Variants in GLIS3 observed in about 807,000 individuals in gnomAD.
GLIS3 encodes zinc finger protein GLIS3.
In GLIS3, 53 loss-of-function variants were observed where a neutral mutation model predicts 78.6. That is an observed-to-expected ratio of 0.67 (90% CI 0.54 to 0.85). GLIS3 has a LOEUF of 0.85. Among genes scored for constraint, GLIS3 ranks in the 40% least tolerant of loss-of-function variants. GLIS3 has a pLI of 0.00. For synonymous variants in GLIS3, 684 were observed against 509.9 expected, an observed-to-expected ratio of 1.34 and a Z score of -4.60; for missense variants, 1,703 against 1,231.1, an observed-to-expected ratio of 1.38 and a Z score of -5.74.
At chr9:4,244,522 A>C (rs188491897) in intron 2 of GLIS3, among the ~76,000 whole-genome samples, 1 of 152,350 alleles carries the variant, frequency 6.6e-6, no homozygotes, top group Admixed American at 6.5e-5. Flanking sequence ...TGCTTTTTTA[A>C]AACTGCTGCT....
chr9:4,167,919 G>A (rs974982886), intron 2 of GLIS3, among the ~76,000 whole-genome samples: 8 of 152,164 alleles, frequency 5.3e-5, no homozygotes, highest in Non-Finnish European at 1.0e-4. Flanking sequence ...CACTGGCCAA[G>A]CCTGATCAGA....
At chr9:3,885,851 A>G in intron 7 of GLIS3, among the ~76,000 whole-genome samples, 1 of 152,220 alleles carries the variant, frequency 6.6e-6, no homozygotes, top group Non-Finnish European at 1.5e-5. Context: ...GAACAAAGCA[A>G]AGCATACACA....
intron 2 of GLIS3, among the ~76,000 whole-genome samples, chr9:4,315,699 G>A (rs953789791): frequency 6.6e-6 from 1 of 152,044 alleles, no homozygotes; most frequent in African/African-American, 2.4e-5. Context: ...AACCTCCCTG[G>A]GTCTTTTGGG....
the GLIS3 span, among the ~76,000 whole-genome samples, chr9:4,408,379 G>A: frequency 1.3e-4 from 20 of 151,006 alleles, no homozygotes; most frequent in Non-Finnish European, 1.2e-4. Context: ...AGAATAGAAC[G>A]ATGGTTACCT....
intron 4 of GLIS3, among the ~76,000 whole-genome samples, chr9:4,090,084 T>C (rs1464416621): frequency 6.6e-6 from 1 of 152,156 alleles, no homozygotes; most frequent in Non-Finnish European, 1.5e-5. Flanking sequence ...ATGATTCCTA[T>C]TCCCATACCA....
intron 2 of GLIS3, among the ~76,000 whole-genome samples, chr9:4,246,192 C>G (rs1026872224): frequency 6.6e-6 from 1 of 152,186 alleles, no homozygotes; most frequent in East Asian, 1.9e-4. Context: ...AACCCTGTCT[C>G]TACCACAAAT....
chr9:4,469,078 A>G, the GLIS3 span, among the ~76,000 whole-genome samples: 1 of 152,246 alleles, frequency 6.6e-6, no homozygotes, highest in Non-Finnish European at 1.5e-5. Context: ...TTCAACAAGA[A>G]GAGCTAACTA....
intron 2 of GLIS3, among the ~76,000 whole-genome samples, chr9:4,331,525 G>C (rs749298302): frequency 2.0e-5 from 3 of 152,168 alleles, no homozygotes; most frequent in Non-Finnish European, 4.4e-5. Context: ...TCATGACACT[G>C]ATTGGTCCGT....
chr9:4,255,998 T>A lies in GLIS3; in HGVS notation c.388+30040A>T, dbSNP rs866874923. ...GAAATCTCTGTACCTGTTGCTCAAT[T>A]TTGCTGTGAACCTAAAACTGTTCTA... On this transcript the variant is annotated intron_variant, in intron 2 of 10. Coordinates refer to ENST00000381971, the MANE Select transcript of GLIS3 (RefSeq NM_001042413.2). Among the ~76,000 whole-genome samples, 3 of 152,280 alleles carry A rather than the reference T, an allele frequency of 2.0e-5. No individual in the cohort carries two copies. In the South Asian group the frequency reaches 6.2e-4, roughly 32 times the overall value.
Position 4,305,853 on chromosome 9 carries a change from C to T in GLIS3, n.584+2924G>A, listed in dbSNP as rs958227279. ...GTGGAGAAGATTACAGAGAATAGCC[C>T]TGATGGAACCACACCTGATTTCTAC... On this transcript the variant is annotated intron_variant and non_coding_transcript_variant, in intron 4 of 4. Coordinates refer to the GLIS3 transcript ENST00000471664. The T allele has an allele frequency of 2.0e-5, 3 of 152,164 alleles. No individual in the cohort carries two copies. In the South Asian group the frequency reaches 6.2e-4, roughly 32 times the overall value. 9.4% of individuals were successfully genotyped at this position (152,164 alleles called of 1,614,324 possible). A position where few individuals can be genotyped will look rare whatever the true frequency, so the allele number is the denominator to read the frequency against.
At chr9:4,135,478 C>T (rs1219159912) in intron 2 of GLIS3, among the ~76,000 whole-genome samples, 2 of 152,072 alleles carry the variant, frequency 1.3e-5, no homozygotes, top group Admixed American at 6.6e-5. Context: ...TGAGAGAAGT[C>T]ATCGAACTAT....
Position 4,069,760 on chromosome 9 carries a change from G to C in GLIS3, c.1710+48008C>G, listed in dbSNP as rs112169551. Among the ~76,000 whole-genome samples, 699 of 152,138 alleles carry C rather than the reference G, an allele frequency of 4.6e-3. 3 individuals carry two copies. The highest frequency in any genetic ancestry group is 0.016 in the African/African-American group (671 of 41,522). On this transcript the variant is annotated intron_variant, in intron 4 of 10. Coordinates refer to ENST00000381971, the MANE Select transcript of GLIS3 (RefSeq NM_001042413.2). ...GTCAAGAGCCTTTTACAGCTGTTTT[G>C]TTATTTTGCCAAAGCTCTTTTATGA...
At chr9:4,291,992 G>T (rs749668900) in intron 1 of GLIS3, among the ~76,000 whole-genome samples, 1 of 152,120 alleles carries the variant, frequency 6.6e-6, no homozygotes, top group Non-Finnish European at 1.5e-5. Flanking sequence ...TGGCAAGGGA[G>T]AAGAGGAAAA....
At chr9:4,033,271 A>T (rs970480873) in intron 4 of GLIS3, among the ~76,000 whole-genome samples, 5 of 152,270 alleles carry the variant, frequency 3.3e-5, no homozygotes, top group East Asian at 3.9e-4. Flanking sequence ...CTTATAGCAT[A>T]AAGGGTATTT....
intron 3 of GLIS3, among the ~76,000 whole-genome samples, chr9:4,124,522 G>A (rs1025488454): frequency 9.9e-5 from 15 of 152,200 alleles, no homozygotes; most frequent in African/African-American, 3.4e-4. Flanking sequence ...TTTACATGCA[G>A]CACTCAGCAA....
intron 2 of GLIS3, among the ~76,000 whole-genome samples, chr9:4,194,740 C>G (rs1184681287): frequency 6.6e-6 from 1 of 152,224 alleles, no homozygotes; most frequent in Admixed American, 6.5e-5. Flanking sequence ...GAGTCTACCT[C>G]TGTGACTCAC....
intron 4 of GLIS3, among the ~76,000 whole-genome samples, chr9:3,991,914 T>G (rs1451307505): frequency 6.6e-6 from 1 of 152,064 alleles, no homozygotes; most frequent in African/African-American, 2.4e-5. Context: ...ACAGTCTTGA[T>G]CTCCTGACTT....
chr9:3,992,305 A>G (rs1032508771), intron 4 of GLIS3, among the ~76,000 whole-genome samples: 1 of 152,218 alleles, frequency 6.6e-6, no homozygotes, highest in African/African-American at 2.4e-5. Context: ...TGAAATGTGA[A>G]AGAAAACTAA....
At chr9:3,925,467 G>A (rs1034420546) in intron 6 of GLIS3, among the ~76,000 whole-genome samples, 15 of 152,186 alleles carry the variant, frequency 9.9e-5, no homozygotes, top group Admixed American at 9.2e-4. Context: ...TTCCTGGCCA[G>A]AGCTGGTGTC....
Sources: gnomAD v4.1 joint callset for allele counts (sites outside exome capture counted in the v4.1 genomes callset) on GRCh38, gnomAD v4.1.1 for gene constraint, MANE v1.5 for transcripts, NCBI Gene and HGNC (gene_info 2026-07-23, HGNC 2026-07-21) for gene names.